The following CTNNA1 variants were observed in gnomAD, a reference collection of about 807,000 sequenced individuals.
The protein encoded by CTNNA1 is catenin alpha-1.
Under a neutral mutation model 98.4 loss-of-function variants are expected in CTNNA1, and 37 were observed. That is an observed-to-expected ratio of 0.38 (90% confidence interval 0.29 to 0.49). The LOEUF is 0.49. Ranked by LOEUF, CTNNA1 falls within the 20% of genes least tolerant of loss-of-function variation. CTNNA1 has a pLI of 0.95. For missense variants in CTNNA1, 761 were observed against 1,147.2 expected (o/e 0.66, Z 4.86); for synonymous variants, 404 against 413.2 (o/e 0.98, Z 0.27).
chr5:138,790,916 T>C (rs1421015513), intron 3 of CTNNA1: 2 of 152,236 alleles, frequency 1.3e-5, no homozygotes, highest in Non-Finnish European at 2.9e-5. Context: ...TGTGTTGTTA[T>C]TCTCATGGCA....
chr5:138,868,083 A>G (rs1764973429), intron 7 of CTNNA1, among the ~76,000 whole-genome samples: 2 of 152,088 alleles, frequency 1.3e-5, no homozygotes, highest in Admixed American at 1.3e-4. Context: ...TCTTTTCTCC[A>G]GCTTATTTTT....
At chr5:138,770,901 G>T (rs1561506225) in intron 1 of CTNNA1, among the ~76,000 whole-genome samples, 1 of 150,850 alleles carries the variant, frequency 6.6e-6, no homozygotes, top group African/African-American at 2.4e-5. Context: ...GCAGTGAGCC[G>T]AGATTGCGCC....
chr5:138,805,406 T>C (rs1369583655), intron 3 of CTNNA1, among the ~76,000 whole-genome samples: 3 of 152,242 alleles, frequency 2.0e-5, no homozygotes, highest in Non-Finnish European at 1.5e-5. Flanking sequence ...TTTCCTCATA[T>C]TCTTGCCATT....
At chr5:138,785,122 C>T (rs1004162136) in intron 3 of CTNNA1, among the ~76,000 whole-genome samples, 3 of 145,936 alleles carry the variant, frequency 2.1e-5, no homozygotes, top group African/African-American at 7.7e-5. Context: ...AGTGCAGTGG[C>T]GGGATCTCGG....
intron 1 of CTNNA1, among the ~76,000 whole-genome samples, chr5:138,757,218 A>G (rs1751761985): frequency 6.6e-6 from 1 of 151,312 alleles, no homozygotes; most frequent in South Asian, 2.1e-4. Flanking sequence ...AAAAGGGAGG[A>G]AGGGAGGGAG....
intron 1 of CTNNA1, among the ~76,000 whole-genome samples, chr5:138,756,734 C>A (rs1751692443): frequency 6.6e-6 from 1 of 152,114 alleles, no homozygotes; most frequent in South Asian, 2.1e-4. Flanking sequence ...GTGTAAGAAG[C>A]CATTGTAGGG....
intron 9 of CTNNA1, among the ~76,000 whole-genome samples, chr5:138,903,879 T>C (rs951695088): frequency 6.6e-6 from 1 of 152,238 alleles, no homozygotes; most frequent in Non-Finnish European, 1.5e-5. Flanking sequence ...CATCTTGCCT[T>C]AAATTAAGCA....
rs769235447 is a variant in CTNNA1 at position 138,924,641 on chromosome 5, A to G, written c.1678A>G (p.Met560Val). 1.2e-6 allele frequency: 2 copies of G among 1,611,562 alleles called. No individual in the cohort carries two copies. Among genetic ancestry groups the G allele is most frequent in the Non-Finnish European group, 1.7e-6 (2 of 1,178,892 alleles). ...GGTCATTCACGTAGTCACCTCAGAG[A>G]TGGACAACTATGAGCCAGGAGTCTA... is the stretch of plus-strand genomic sequence containing the variant. ...ARVIHVVTSE[M>V]DNYEPGVYTE... is the part of the protein sequence containing the mutation. Residue 560 changes from methionine to valine, a missense_variant, in exon 12 of 18, where the codon ATG becomes GTG. Met to Val is a conservative substitution (Grantham distance 21, BLOSUM62 1). Coordinates refer to ENST00000302763, the MANE Select transcript of CTNNA1 (RefSeq NM_001903.5).
At chr5:138,810,250 A>G (rs970443643) in intron 4 of CTNNA1, 46 bp downstream of exon 4, 1 of 1,583,900 alleles carries the variant, frequency 6.3e-7, no homozygotes, top group Non-Finnish European at 8.7e-7. Flanking sequence ...TCACAGGAAG[A>G]TTGCTACTGG....
intron 7 of CTNNA1, among the ~76,000 whole-genome samples, chr5:138,839,964 A>G (rs539594169): frequency 1.4e-4 from 21 of 152,350 alleles, no homozygotes; most frequent in African/African-American, 4.6e-4. Flanking sequence ...CTTCCATAGA[A>G]TAGAACTTGT....
At chr5:138,911,354 C>T (rs1301132095) in intron 10 of CTNNA1, among the ~76,000 whole-genome samples, 1 of 152,140 alleles carries the variant, frequency 6.6e-6, no homozygotes, top group Non-Finnish European at 1.5e-5. Flanking sequence ...TTCCTAATTC[C>T]CTAAGCCCAG....
Position 138,934,235 on chromosome 5 carries a change from C to T in CTNNA1, c.*146C>T. 1.6e-6 allele frequency: 1 copy of T among 617,362 alleles called. No homozygotes were observed. The allele number at this position is 617,362 out of a possible 1,614,324, so 38.2% of individuals were successfully genotyped here. A position where few individuals can be genotyped will look rare whatever the true frequency, so the allele number is the denominator to read the frequency against. ...TGAACCAGTCCAGGTGGTGAATTTT[C>T]CAAGAACATAGTTTAAGTTGATTAA... On this transcript the variant is annotated 3_prime_UTR_variant, in exon 18 of 18. Coordinates refer to ENST00000302763, the MANE Select transcript of CTNNA1 (RefSeq NM_001903.5).
intron 7 of CTNNA1, among the ~76,000 whole-genome samples, chr5:138,882,086 C>T (rs567551001): frequency 6.6e-6 from 1 of 152,192 alleles, no homozygotes; most frequent in Non-Finnish European, 1.5e-5. Flanking sequence ...TCATTTCATT[C>T]ATGTCCAATG....
chr5:138,931,874 T>C, intron 16 of CTNNA1: 1 of 985,432 alleles, frequency 1.0e-6, no homozygotes, highest in Non-Finnish European at 1.2e-6. Flanking sequence ...TGGAAGAAAA[T>C]GTTTGCTTGC....
chr5:138,785,545 T>G (rs542751725), intron 3 of CTNNA1, among the ~76,000 whole-genome samples: 1 of 152,210 alleles, frequency 6.6e-6, no homozygotes, highest in African/African-American at 2.4e-5. Context: ...CTGGCTCTAG[T>G]GACTGACGTT....
At chr5:138,896,152 C>A (rs371310511) in intron 9 of CTNNA1, among the ~76,000 whole-genome samples, 1 of 152,172 alleles carries the variant, frequency 6.6e-6, no homozygotes, top group Non-Finnish European at 1.5e-5. Flanking sequence ...GAGGTTTTAT[C>A]GACAGAAGTA....
At chr5:138,828,955 C>G (rs1183260672) in intron 7 of CTNNA1, among the ~76,000 whole-genome samples, 1 of 152,134 alleles carries the variant, frequency 6.6e-6, no homozygotes, top group Non-Finnish European at 1.5e-5. Context: ...GAAATCCCAT[C>G]TCTACAAAAA....
intron 16 of CTNNA1, chr5:138,932,265 A>T (rs1765522422): frequency 8.8e-7 from 1 of 1,134,964 alleles, no homozygotes; most frequent in Admixed American, 4.5e-5. Flanking sequence ...GGGTGAGGGG[A>T]TCCTTGGCCA....
chr5:138,811,910 A>G (rs1425598016), intron 4 of CTNNA1: 1 of 304,482 alleles, frequency 3.3e-6, no homozygotes, highest in Non-Finnish European at 6.3e-6. Flanking sequence ...GAGACCGTGG[A>G]AAGAGAGGGA....
Sources: allele counts gnomAD v4.1 joint callset (sites outside exome capture counted in the v4.1 genomes callset), GRCh38; gene constraint gnomAD v4.1.1; transcripts MANE v1.5; gene names NCBI Gene and HGNC (gene_info 2026-07-23, HGNC 2026-07-21).